The following ACACB variants were observed in gnomAD, a reference collection of about 807,000 sequenced individuals.
ACACB encodes the protein acetyl-CoA carboxylase 2.
A neutral mutation model predicts 278.8 loss-of-function variants in ACACB; 209 were observed. That is an observed-to-expected ratio of 0.75 (90% CI 0.67 to 0.84). ACACB has a LOEUF of 0.84. Among genes scored for constraint, ACACB ranks in the 40% least tolerant of loss-of-function variants. The pLI is 0.00. For missense variants in ACACB, 2,850 were observed against 3,269.0 expected, an observed-to-expected ratio of 0.87 and a Z score of 3.13; for synonymous variants, 1,174 against 1,285.6, an observed-to-expected ratio of 0.91 and a Z score of 1.86.
At chr12:109,261,397 AGGG>A (rs1407758913) in intron 48 of ACACB, among the ~76,000 whole-genome samples, 1 of 152,172 alleles carries the variant, frequency 6.6e-6, no homozygotes, top group East Asian at 1.9e-4. Flanking sequence ...GACCCTTGTT[AGGG>A]ACTGCTGAGG....
At chr12:109,130,141 A>G (rs2042786491) in intron 1 of ACACB, among the ~76,000 whole-genome samples, 1 of 152,140 alleles carries the variant, frequency 6.6e-6, no homozygotes, top group Non-Finnish European at 1.5e-5. Context: ...CACACTGCCC[A>G]TGGTGCTCTG....
chr12:109,159,907 T>C (rs1302790108), intron 2 of ACACB, among the ~76,000 whole-genome samples: 2 of 151,902 alleles, frequency 1.3e-5, no homozygotes, highest in African/African-American at 2.4e-5. Context: ...CTGGCCAACA[T>C]AGTGAAACCC....
intron 4 of ACACB, among the ~76,000 whole-genome samples, chr12:109,171,586 G>C (rs1372889762): frequency 6.6e-6 from 1 of 152,106 alleles, no homozygotes; most frequent in Non-Finnish European, 1.5e-5. Context: ...CTGGCCTCAG[G>C]CCATCTGCCT....
chr12:109,112,285 GTATA>G (rs2042318001), upstream of ACACB, among the ~76,000 whole-genome samples: 1 of 146,888 alleles, frequency 6.8e-6, no homozygotes, highest in South Asian at 2.1e-4. Context: ...ATGTATATAT[GTATA>G]TATATTCAAT....
chr12:109,188,220 TC>T, intron 13 of ACACB, 58 bp downstream of exon 13: 1 of 1,438,750 alleles, frequency 7.0e-7, no homozygotes, highest in African/African-American at 1.4e-5. Flanking sequence ...CTTCCTTCCT[TC>T]CTTCCTTCCT....
intron 24 of ACACB, 43 bp from the exon 25 acceptor site, chr12:109,222,464 G>C (rs1019564537): frequency 6.3e-7 from 1 of 1,577,338 alleles, no homozygotes; most frequent in African/African-American, 1.3e-5. Context: ...ATGTTTCCCT[G>C]GGCTGGAGAA....
chr12:109,264,980 C>A, intron 50 of ACACB, 130 bp from the exon 51 acceptor site: 1 of 1,061,924 alleles, frequency 9.4e-7, no homozygotes, highest in Non-Finnish European at 1.4e-6. Context: ...AGCTTACTTG[C>A]CTGGGATGAT....
chr12:109,156,254 G>T (rs181784491), intron 2 of ACACB, among the ~76,000 whole-genome samples: 1 of 151,328 alleles, frequency 6.6e-6, no homozygotes, highest in Admixed American at 6.6e-5. Flanking sequence ...ATGTGCCCAG[G>T]TGTGGTGGCT....
intron 2 of ACACB, among the ~76,000 whole-genome samples, chr12:109,162,069 CG>C (rs2043745953): frequency 6.6e-6 from 1 of 151,678 alleles, no homozygotes; most frequent in Non-Finnish European, 1.5e-5. Context: ...CTCTGCCTCC[CG>C]GGTTCAAGTG....
intron 1 of ACACB, among the ~76,000 whole-genome samples, chr12:109,135,002 G>A (rs973369904): frequency 2.6e-5 from 4 of 152,174 alleles, no homozygotes; most frequent in Admixed American, 6.5e-5. Flanking sequence ...TGTTTGAGTC[G>A]TTGTTTTCAA....
At chr12:109,129,177 T>C (rs1245187321) in intron 1 of ACACB, among the ~76,000 whole-genome samples, 1 of 152,190 alleles carries the variant, frequency 6.6e-6, no homozygotes, top group Non-Finnish European at 1.5e-5. Context: ...AACAAGGTAG[T>C]GACCGTGACC....
chr12:109,248,038 G>A (rs895733409), intron 40 of ACACB, among the ~76,000 whole-genome samples: 13 of 152,216 alleles, frequency 8.5e-5, no homozygotes, highest in Admixed American at 6.5e-4. Context: ...GAAGGTATGG[G>A]TGGGGCAGAG....
At position 109,209,224 on chromosome 12, in the gene ACACB, G is replaced by T. The variant is rs1376944034; in HGVS notation, c.3120G>T (p.Leu1040=). The change falls in exon 21 of 53, where the codon CTG becomes CTT. Residue 1040 remains leucine, a synonymous_variant. Coordinates refer to ENST00000338432, the MANE Select transcript of ACACB (RefSeq NM_001093.4). The part of the protein sequence containing the change: ...MTLRHPSLPL[L]ELQEIMTSVA... ...TCCGGCACCCGTCACTGCCGCTGCT[G>T]GAGCTGCAGGAGATCATGACCAGCG... 1 of 1,610,658 alleles carries T rather than the reference G, an allele frequency of 6.2e-7. No individual in the cohort carries two copies. The highest frequency in any genetic ancestry group is 1.3e-5 in the African/African-American group (1 of 75,026).
chr12:109,123,556 G>A (rs1187621287), intron 1 of ACACB, among the ~76,000 whole-genome samples: 1 of 151,762 alleles, frequency 6.6e-6, no homozygotes, highest in Non-Finnish European at 1.5e-5. Context: ...AGCCAGGCCT[G>A]GTGGCATGCA....
chr12:109,233,577 T>C (rs770249941), intron 29 of ACACB, among the ~76,000 whole-genome samples, 171 bp from the exon 30 acceptor site: 5 of 152,186 alleles, frequency 3.3e-5, no homozygotes, highest in Non-Finnish European at 7.3e-5. Context: ...ACGGGTGCTC[T>C]GGACAAAGTA....
At position 109,206,717 on chromosome 12, in the gene ACACB, C is replaced by T. The variant is rs768264013; in HGVS notation, c.2921C>T (p.Pro974Leu). Residue 974 changes from proline (P) to leucine (L), a missense_variant, in exon 20 of 53, where the codon CCG becomes CTG. By Grantham distance (98) the Pro-to-Leu change is moderately conservative (BLOSUM62 -3). Around this residue, in one of 3 missense-constraint regions of ACACB, gnomAD observed 2,265 missense variants for 2,561.3 expected, o/e 0.88. Coordinates refer to ENST00000338432, the MANE Select transcript of ACACB (RefSeq NM_001093.4). The part of the protein sequence containing the change: ...DDPSKVHPAE[P>L]FTGELPAQQT... ...CTTGTGGTGTCTCATCAGGCTGAACCGTTCACAGGAGAACTCCCTGCCCAG... is the reference window on the plus strand; with the variant it reads ...CTTGTGGTGTCTCATCAGGCTGAACTGTTCACAGGAGAACTCCCTGCCCAG... 1.1e-5 allele frequency: 18 copies of T among 1,613,866 alleles called. No individual in the cohort carries two copies. The South Asian group carries it at 1.2e-4, about 11-fold the overall frequency.
chr12:109,239,727 A>C, intron 34 of ACACB, 103 bp from the exon 35 acceptor site: 1 of 1,323,790 alleles, frequency 7.6e-7, no homozygotes, highest in Non-Finnish European at 1.0e-6. Context: ...GAGGAGGGGA[A>C]TGTTTTCCTC....
Position 109,167,084 on chromosome 12 carries a change from T to A in ACACB, c.786+91T>A, listed in dbSNP as rs1419248920. Reference sequence around the variant, plus strand: ...GGAGGTGGGAGATTCGGGTTCAGGCTCATTCTGCCTGCTGCAGAGAGGGGG... The same window carrying A: ...GGAGGTGGGAGATTCGGGTTCAGGCACATTCTGCCTGCTGCAGAGAGGGGG... On this transcript the variant is annotated intron_variant, in intron 3 of 52. Transcript: ENST00000338432. 20 of 1,555,636 alleles carry A rather than the reference T, an allele frequency of 1.3e-5. No individual in the cohort carries two copies. The East Asian group carries it at 4.5e-4, about 35-fold the overall frequency.
In ACACB at chr12:109,235,665, G is replaced by T. The variant is rs2046613103; in HGVS notation, c.4446+18G>T. On this transcript the variant is annotated intron_variant, in intron 33 of 52. Transcript: ENST00000338432. ...GAGATGAGGTATGGCCAAAAGTAAT[G>T]ATGTTTTCTCTTCTCTAGCATCTTG... The T allele has an allele frequency of 6.2e-7, 1 of 1,603,794 alleles. No homozygotes were observed. The highest frequency in any genetic ancestry group is 8.5e-7 in the Non-Finnish European group (1 of 1,171,776).
Sources: allele counts gnomAD v4.1 joint callset (sites outside exome capture counted in the v4.1 genomes callset), GRCh38; gene constraint gnomAD v4.1.1; regional missense constraint gnomAD v4.1.1; transcripts MANE v1.5; gene names NCBI Gene and HGNC (gene_info 2026-07-23, HGNC 2026-07-21).